The following PHF21A variants were observed in gnomAD, a reference collection of about 807,000 sequenced individuals.
PHF21A encodes BHC80a.
Under a neutral mutation model 82.5 loss-of-function variants are expected in PHF21A, and 11 were observed. The observed-to-expected ratio is 0.13, with a 90% CI of 0.08 to 0.22. PHF21A has a LOEUF of 0.22. Among genes scored for constraint, PHF21A ranks in the 10% least tolerant of loss-of-function variants. The pLI, the probability that PHF21A is intolerant of heterozygous loss-of-function variation, is 1.00. For synonymous variants in PHF21A, 297 were observed against 302.8 expected (o/e 0.98, Z 0.20); for missense variants, 579 against 837.8 (o/e 0.69, Z 3.81).
Position 45,931,618 on chromosome 11 carries a change from C to T in PHF21A, c.*2350G>A, listed in dbSNP as rs186655878. 8 of 152,332 alleles carry T rather than the reference C, an allele frequency of 5.3e-5. No homozygotes were observed. The highest frequency in any genetic ancestry group is 2.1e-4 in the South Asian group (1 of 4,826). 9.4% of individuals were successfully genotyped at this position (152,332 alleles called of 1,614,324 possible). ...GTCTCTTCTCTGTTGCATTTGCTTT[C>T]AGATCTGTCTTTGTCTCTCTGGGCC... is the stretch of plus-strand genomic sequence containing the variant. On this transcript the variant is annotated 3_prime_UTR_variant, in exon 19 of 19. Coordinates refer to ENST00000676320, the MANE Select transcript of PHF21A (RefSeq NM_001352027.3).
At chr11:46,068,817 C>T (rs1013055866) in intron 6 of PHF21A, among the ~76,000 whole-genome samples, 1 of 152,160 alleles carries the variant, frequency 6.6e-6, no homozygotes, top group Admixed American at 6.5e-5. Context: ...TTAGGATAAA[C>T]TTACAAGAGG....
chr11:45,958,118 T>C (rs2092798858), intron 10 of PHF21A, among the ~76,000 whole-genome samples: 1 of 151,738 alleles, frequency 6.6e-6, no homozygotes, highest in African/African-American at 2.4e-5. Context: ...GAAACAGTAA[T>C]CAAAATTCTC....
intron 6 of PHF21A, among the ~76,000 whole-genome samples, chr11:46,018,563 T>C (rs1217651027): frequency 2.0e-5 from 3 of 152,254 alleles, no homozygotes; most frequent in Non-Finnish European, 4.4e-5. Flanking sequence ...CTGTGCATAA[T>C]TTATGTGTCC....
At chr11:45,975,300 T>G (rs1412739221) in intron 7 of PHF21A, among the ~76,000 whole-genome samples, 1 of 146,494 alleles carries the variant, frequency 6.8e-6, no homozygotes, top group African/African-American at 2.7e-5. Flanking sequence ...GGTGACACAG[T>G]GAGACCCTGT....
intron 1 of PHF21A, among the ~76,000 whole-genome samples, chr11:46,120,042 T>C (rs1201290684): frequency 6.8e-6 from 1 of 147,880 alleles, no homozygotes; most frequent in African/African-American, 2.5e-5. Flanking sequence ...AGGCAGACTC[T>C]CCGGAATAAC....
At chr11:46,062,300 T>C (rs558899371) in intron 6 of PHF21A, among the ~76,000 whole-genome samples, 1 of 152,256 alleles carries the variant, frequency 6.6e-6, no homozygotes, top group African/African-American at 2.4e-5. Context: ...TCTTCTCCAT[T>C]TTCTCTGTTC....
chr11:46,105,752 A>T (rs187693442), intron 1 of PHF21A, among the ~76,000 whole-genome samples: 1 of 152,332 alleles, frequency 6.6e-6, no homozygotes, highest in Admixed American at 6.5e-5. Flanking sequence ...TTACATTTAA[A>T]AAGCACTAGG....
intron 6 of PHF21A, among the ~76,000 whole-genome samples, chr11:46,001,383 G>T (rs16938430): frequency 0.026 from 3,882 of 150,648 alleles, 127 homozygotes; most frequent in African/African-American, 0.077. Context: ...TTCCGATAAA[G>T]TATTGCCATG....
intron 6 of PHF21A, among the ~76,000 whole-genome samples, chr11:46,037,764 T>C (rs2096044646): frequency 6.6e-6 from 1 of 152,112 alleles, no homozygotes; most frequent in Non-Finnish European, 1.5e-5. Context: ...ACTTGAGAAC[T>C]TGAACAATAC....
At chr11:46,012,905 T>C (rs1000516287) in intron 6 of PHF21A, among the ~76,000 whole-genome samples, 2 of 152,180 alleles carry the variant, frequency 1.3e-5, no homozygotes, top group African/African-American at 2.4e-5. Context: ...CTTTGCACTG[T>C]CTTGTACTTC....
Position 45,977,485 on chromosome 11 carries a change from T to C in PHF21A, c.360+2275A>G, listed in dbSNP as rs138645045. ...ATGTTACTTGAACAGGATGTTTCCA[T>C]GGGTTAAGACAGAAAACTCCTATGT... On this transcript the variant is annotated intron_variant, in intron 7 of 18. Coordinates refer to ENST00000676320, the MANE Select transcript of PHF21A (RefSeq NM_001352027.3). 2.0e-4 allele frequency among the ~76,000 whole-genome samples: 30 copies of C among 152,308 alleles called. No individual in the cohort carries two copies. The East Asian group carries it at 5.0e-3, about 25-fold the overall frequency.
intron 3 of PHF21A, among the ~76,000 whole-genome samples, chr11:46,090,189 A>G (rs987006436): frequency 2.6e-4 from 40 of 152,092 alleles, no homozygotes; most frequent in African/African-American, 8.7e-4. Flanking sequence ...CATAGTGACA[A>G]TGAGGCCAAG....
chr11:45,969,922 T>C lies in PHF21A; in HGVS notation c.613-18A>G, dbSNP rs1373374199. The C allele has an allele frequency of 6.5e-7, 1 of 1,540,670 alleles. No individual in the cohort carries two copies. Among genetic ancestry groups the C allele is most frequent in the Non-Finnish European group, 9.0e-7 (1 of 1,115,678 alleles). ...TGAACCTGCTAAAAAATGAGGAAGA[T>C]AAATAAACCAGAGAGAACAATTACT... On this transcript the variant is annotated intron_variant, in intron 8 of 18. Coordinates refer to ENST00000676320, the MANE Select transcript of PHF21A (RefSeq NM_001352027.3).
At chr11:46,003,790 C>T (rs1014272553) in intron 6 of PHF21A, among the ~76,000 whole-genome samples, 3 of 152,234 alleles carry the variant, frequency 2.0e-5, no homozygotes, top group African/African-American at 7.2e-5. Context: ...CTTCATTACA[C>T]TCTGCAGACA....
At chr11:45,964,123 G>C (rs1438032710) in intron 10 of PHF21A, among the ~76,000 whole-genome samples, 1 of 151,214 alleles carries the variant, frequency 6.6e-6, no homozygotes, top group South Asian at 2.1e-4. Context: ...ACTTGAACCT[G>C]GGAGGCGGAG....
chr11:46,036,359 G>C (rs1407194412), intron 6 of PHF21A, among the ~76,000 whole-genome samples: 1 of 152,126 alleles, frequency 6.6e-6, no homozygotes, highest in African/African-American at 2.4e-5. Context: ...TGGGCAGCTG[G>C]GCTAGAAATG....
intron 4 of PHF21A, among the ~76,000 whole-genome samples, chr11:46,080,926 G>A (rs1480640826): frequency 1.3e-5 from 2 of 152,038 alleles, no homozygotes; most frequent in Non-Finnish European, 2.9e-5. Context: ...AGCCTCCAGA[G>A]TAGCTGAGAT....
chr11:46,054,486 G>A (rs1045242339), intron 6 of PHF21A, among the ~76,000 whole-genome samples: 5 of 152,084 alleles, frequency 3.3e-5, no homozygotes, highest in South Asian at 2.1e-4. Flanking sequence ...CGCCATTCTC[G>A]AAGATTCTGA....
At chr11:46,120,199 T>A (rs1300520240) in intron 1 of PHF21A, among the ~76,000 whole-genome samples, 7 of 148,866 alleles carry the variant, frequency 4.7e-5, no homozygotes, top group South Asian at 2.1e-4. Context: ...TTTTTTTTTT[T>A]AAACCAGATC....
Sources: gnomAD v4.1 joint callset for allele counts (sites outside exome capture counted in the v4.1 genomes callset) on GRCh38, gnomAD v4.1.1 for gene constraint, MANE v1.5 for transcripts, NCBI Gene and HGNC (gene_info 2026-07-23, HGNC 2026-07-21) for gene names.